AGBL1: variants seen among roughly 807,000 people sequenced by gnomAD.
AGBL1 encodes the protein cytosolic carboxypeptidase 4.
In AGBL1, 130 loss-of-function variants were observed where a neutral mutation model predicts 118.9. The ratio of observed to expected loss-of-function variants is 1.09; its 90% CI spans 0.95 to 1.26. AGBL1 has a LOEUF of 1.26. Ranked by LOEUF, AGBL1 falls within the 50% of genes most tolerant of loss-of-function variation. The pLI is 0.00. For missense variants in AGBL1, 1,584 were observed against 1,298.1 expected (o/e 1.22, Z -3.38); for synonymous variants, 555 against 478.9 (o/e 1.16, Z -2.08).
intron 23 of AGBL1, among the ~76,000 whole-genome samples, chr15:86,973,833 G>C (rs1485532968): frequency 6.7e-6 from 1 of 149,096 alleles, no homozygotes; most frequent in African/African-American, 2.5e-5. Context: ...TATAAAATCT[G>C]CGTACCCCCA....
chr15:86,959,757 AC>A (rs1471183051), intron 23 of AGBL1, among the ~76,000 whole-genome samples: 2 of 151,802 alleles, frequency 1.3e-5, no homozygotes, highest in Non-Finnish European at 2.9e-5. Context: ...TTGCTTCAAT[AC>A]CCTTTCACAA....
At chr15:86,498,318 C>A (rs2082878089) in intron 18 of AGBL1, among the ~76,000 whole-genome samples, 2 of 151,894 alleles carry the variant, frequency 1.3e-5, no homozygotes, top group Admixed American at 1.3e-4. Context: ...GGGATTATGT[C>A]TTAGTACCAT....
intron 7 of AGBL1, among the ~76,000 whole-genome samples, chr15:86,254,465 A>G (rs777980052): frequency 9.9e-5 from 15 of 152,234 alleles, no homozygotes; most frequent in Non-Finnish European, 1.8e-4. Flanking sequence ...TACCTTGCCT[A>G]TGTATCATGC....
At chr15:86,090,571 G>A (rs1171851922) in intron 1 of AGBL1, among the ~76,000 whole-genome samples, 1 of 152,050 alleles carries the variant, frequency 6.6e-6, no homozygotes, top group Non-Finnish European at 1.5e-5. Flanking sequence ...GCTTAACCTT[G>A]TGTGATAGTT....
intron 18 of AGBL1, among the ~76,000 whole-genome samples, chr15:86,408,939 T>G (rs1410311348): frequency 6.6e-6 from 1 of 152,082 alleles, no homozygotes; most frequent in Non-Finnish European, 1.5e-5. Context: ...GTGAAGATAT[T>G]CTCCTAGACA....
At chr15:86,972,395 C>T (rs2081117333) in intron 23 of AGBL1, among the ~76,000 whole-genome samples, 1 of 152,026 alleles carries the variant, frequency 6.6e-6, no homozygotes, top group South Asian at 2.1e-4. Flanking sequence ...GGTGCCATTC[C>T]AGACCAAGAC....
intron 18 of AGBL1, among the ~76,000 whole-genome samples, chr15:86,521,282 G>T (rs547336236): frequency 8.5e-5 from 13 of 152,298 alleles, no homozygotes; most frequent in Non-Finnish European, 1.8e-4. Flanking sequence ...TGAAAACACT[G>T]TGTTTCAAAC....
intron 22 of AGBL1, among the ~76,000 whole-genome samples, chr15:86,893,488 C>CA (rs1384127044): frequency 6.6e-6 from 1 of 151,782 alleles, no homozygotes; most frequent in East Asian, 1.9e-4. Flanking sequence ...ACAAACAAAA[C>CA]AAAAAAAGCA....
At chr15:86,504,208 C>T (rs947599839) in intron 18 of AGBL1, among the ~76,000 whole-genome samples, 2 of 151,534 alleles carry the variant, frequency 1.3e-5, no homozygotes, top group African/African-American at 4.8e-5. Context: ...AGTTAAAGTA[C>T]ATTATGTCTG....
intron 22 of AGBL1, among the ~76,000 whole-genome samples, chr15:86,766,289 T>A (rs573692506): frequency 1.3e-5 from 2 of 152,068 alleles, no homozygotes; most frequent in East Asian, 3.9e-4. Context: ...ATTTTATGTT[T>A]AATGCAATTT....
At chr15:86,427,324 G>A (rs2081879012) in intron 18 of AGBL1, among the ~76,000 whole-genome samples, 1 of 152,136 alleles carries the variant, frequency 6.6e-6, no homozygotes. Context: ...AATTGCATAA[G>A]GATGAATATT....
intron 21 of AGBL1, among the ~76,000 whole-genome samples, chr15:86,574,570 ATT>A (rs776642678): frequency 0.039 from 3,263 of 83,754 alleles, 56 homozygotes; most frequent in African/African-American, 0.14. Flanking sequence ...AAAAGTTTTA[ATT>A]TTTTTTTTTT....
At position 86,989,364 on chromosome 15, in the gene AGBL1, T is replaced by C. The variant is rs905761920; in HGVS notation, c.3323+1276T>C. The stretch of plus-strand genomic sequence containing the variant: ...ACTGTAAAGTCTGATGGATTTTTGG[T>C]AGATTATCTTTATTAGGTTAGTAGA... On this transcript the variant is annotated intron_variant, in intron 24 of 24. Coordinates refer to the AGBL1 transcript ENST00000441037. 4.6e-5 allele frequency among the ~76,000 whole-genome samples: 7 copies of C among 152,180 alleles called. No homozygotes were observed. In the East Asian group the frequency reaches 9.6e-4, roughly 21 times the overall value.
chr15:86,183,710 C>CA (rs1481702631), intron 5 of AGBL1, among the ~76,000 whole-genome samples: 1 of 152,156 alleles, frequency 6.6e-6, no homozygotes, highest in Non-Finnish European at 1.5e-5. Flanking sequence ...TAGTAATCCT[C>CA]ATCACACATA....
chr15:86,309,953 T>C (rs1318980241), intron 17 of AGBL1, among the ~76,000 whole-genome samples: 2 of 152,212 alleles, frequency 1.3e-5, no homozygotes, highest in South Asian at 2.1e-4. Context: ...AAAAATTAGC[T>C]TGTAAATGTT....
intron 23 of AGBL1, among the ~76,000 whole-genome samples, chr15:86,940,936 C>T (rs1451136965): frequency 2.0e-5 from 3 of 152,192 alleles, no homozygotes; most frequent in Non-Finnish European, 4.4e-5. Context: ...ATGTCCTCTG[C>T]TCAGCTCACT....
intron 15 of AGBL1, among the ~76,000 whole-genome samples, chr15:86,278,926 G>A (rs901974694): frequency 4.6e-5 from 7 of 152,202 alleles, no homozygotes; most frequent in East Asian, 1.9e-4. Context: ...CAAGCCTTAC[G>A]AAGCTGAACC....
intron 23 of AGBL1, among the ~76,000 whole-genome samples, chr15:86,953,093 G>C (rs2080895972): frequency 6.6e-6 from 1 of 152,042 alleles, no homozygotes; most frequent in Non-Finnish European, 1.5e-5. Context: ...TTTGAAGTGG[G>C]GTAGTATGAT....
chr15:86,857,307 CA>C (rs1413796464), intron 22 of AGBL1, among the ~76,000 whole-genome samples: 1 of 152,158 alleles, frequency 6.6e-6, no homozygotes, highest in Non-Finnish European at 1.5e-5. Flanking sequence ...TAAACCCATC[CA>C]TCAGCTTCCC....
Sources: allele counts gnomAD v4.1 joint callset (sites outside exome capture counted in the v4.1 genomes callset), GRCh38; gene constraint gnomAD v4.1.1; transcripts MANE v1.5; gene names NCBI Gene and HGNC (gene_info 2026-07-23, HGNC 2026-07-21).